SPTLC3: variants seen among roughly 807,000 people sequenced by gnomAD.
SPTLC3 encodes the protein serine palmitoyltransferase long chain base subunit 3.
A neutral mutation model predicts 59.3 loss-of-function variants in SPTLC3; 36 were observed. The ratio of observed to expected loss-of-function variants is 0.61; its 90% confidence interval spans 0.47 to 0.80. The LOEUF is 0.80. Among genes scored for constraint, SPTLC3 ranks in the 30% least tolerant of loss-of-function variants. The pLI is 0.00. For synonymous variants in SPTLC3, 257 were observed against 240.8 expected (o/e 1.07, Z -0.62); for missense variants, 625 against 685.1 (o/e 0.91, Z 0.98).
At chr20:13,120,492 G>GA (rs1335435548) in intron 8 of SPTLC3, among the ~76,000 whole-genome samples, 1 of 152,008 alleles carries the variant, frequency 6.6e-6, no homozygotes, top group African/African-American at 2.4e-5. Context: ...CAAAAATCTA[G>GA]AAAAAAGAGA....
intron 2 of SPTLC3, among the ~76,000 whole-genome samples, chr20:13,061,918 T>A (rs1040265803): frequency 1.3e-5 from 2 of 152,010 alleles, no homozygotes; most frequent in Admixed American, 6.6e-5. Context: ...CATCTTCCCA[T>A]CTCCTTCCAA....
At chr20:13,109,624 TA>T (rs546844344) in intron 6 of SPTLC3, among the ~76,000 whole-genome samples, 64 of 152,336 alleles carry the variant, frequency 4.2e-4, no homozygotes, top group Non-Finnish European at 7.5e-4. Flanking sequence ...CCCACTGCTT[TA>T]AAGTTTTGAA....
intron 6 of SPTLC3, among the ~76,000 whole-genome samples, chr20:13,108,241 T>A (rs1990016622): frequency 6.6e-6 from 1 of 152,210 alleles, no homozygotes; most frequent in African/African-American, 2.4e-5. Context: ...TTTGCTTAAA[T>A]GTACTTGATA....
At position 13,117,710 on chromosome 20, in the gene SPTLC3, C is replaced by T. The variant is rs751678222; in HGVS notation, c.1137C>T (p.Tyr379=). Residue 379 remains tyrosine (Y), a synonymous_variant, in exon 8 of 12, where the codon TAC becomes TAT. Coordinates refer to ENST00000399002, the MANE Select transcript of SPTLC3 (RefSeq NM_018327.4). The part of the protein sequence containing the change: ...FTKSFGASGG[Y]IAGRKDLVDY... ...AAAGTTTTGGAGCTTCAGGAGGTTA[C>T]ATAGCTGGAAGGAAGGTAAGAGAGG... 1 of 1,611,354 alleles carries T rather than the reference C, an allele frequency of 6.2e-7. No homozygotes were observed. Among genetic ancestry groups the T allele is most frequent in the Admixed American group, 1.7e-5 (1 of 59,652 alleles).
At chr20:13,160,308 C>G (rs1054142878) in intron 11 of SPTLC3, among the ~76,000 whole-genome samples, 176 bp downstream of exon 11, 1 of 152,190 alleles carries the variant, frequency 6.6e-6, no homozygotes, top group Non-Finnish European at 1.5e-5. Flanking sequence ...AACACTGTGA[C>G]CACTCAGTAG....
intron 3 of SPTLC3, chr20:13,074,011 G>C: frequency 6.4e-6 from 4 of 625,710 alleles, no homozygotes; most frequent in South Asian, 5.6e-5. Context: ...AGATAGTCCT[G>C]TCTCCATCCA....
chr20:13,083,834 C>T (rs1254140909), intron 4 of SPTLC3, among the ~76,000 whole-genome samples: 1 of 152,148 alleles, frequency 6.6e-6, no homozygotes, highest in African/African-American at 2.4e-5. Flanking sequence ...GGTCCTTGGT[C>T]CCACAACCAC....
intron 8 of SPTLC3, among the ~76,000 whole-genome samples, chr20:13,124,117 C>A (rs1156265529): frequency 6.6e-6 from 1 of 152,148 alleles, no homozygotes. Context: ...TGGGGAAAAC[C>A]CACCCAGCTT....
At chr20:13,039,701 G>C (rs1986889415) in intron 1 of SPTLC3, among the ~76,000 whole-genome samples, 1 of 151,750 alleles carries the variant, frequency 6.6e-6, no homozygotes, top group Non-Finnish European at 1.5e-5. Flanking sequence ...TCCTAGTTTA[G>C]TGCTTTATTC....
chr20:13,073,483 A>AT lies in SPTLC3; in HGVS notation c.459-853dup, dbSNP rs57545320. Reference sequence around the variant, plus strand: ...CTAAGGCCCCTCCAGCACTAGGATAATTTTTTTTTTTTTACATTTGGGAAA... The same window carrying AT: ...CTAAGGCCCCTCCAGCACTAGGATAATTTTTTTTTTTTTTACATTTGGGAAA... On this transcript the variant is annotated intron_variant, in intron 3 of 11. Transcript: ENST00000399002. 7.7e-4 allele frequency among the ~76,000 whole-genome samples: 113 copies of AT among 146,500 alleles called. 1 individual carries two copies. Among genetic ancestry groups the AT allele is most frequent in the East Asian group, 3.8e-3 (19 of 5,058 alleles).
chr20:13,119,323 T>C (rs977009440), intron 8 of SPTLC3, among the ~76,000 whole-genome samples: 4 of 152,170 alleles, frequency 2.6e-5, no homozygotes, highest in African/African-American at 9.7e-5. Context: ...TAGAGTAGCT[T>C]CATTTGATAC....
Position 13,110,209 on chromosome 20 carries a change from T to C in SPTLC3, c.924T>C (p.Gly308=). 1 of 1,613,114 alleles carries C rather than the reference T, an allele frequency of 6.2e-7. No individual in the cohort carries two copies. Among genetic ancestry groups the C allele is most frequent in the Non-Finnish European group, 8.5e-7 (1 of 1,179,602 alleles). ...AWKKILILVE[G]VYSMEGSIVH... ...AAAAGATTCTCATCCTGGTGGAGGG[T>C]GTCTACAGGTATGTAAATAACAGGA... Residue 308 remains glycine, a synonymous_variant, in exon 7 of 12, where the codon GGT becomes GGC. Transcript: ENST00000399002.
chr20:13,046,534 C>A (rs569712403), intron 1 of SPTLC3, among the ~76,000 whole-genome samples: 1 of 152,282 alleles, frequency 6.6e-6, no homozygotes, highest in South Asian at 2.1e-4. Context: ...TTGCTAGAGT[C>A]TGGACAAATC....
At chr20:13,053,422 AT>A (rs1987582407) in intron 2 of SPTLC3, among the ~76,000 whole-genome samples, 1 of 152,136 alleles carries the variant, frequency 6.6e-6, no homozygotes, top group Non-Finnish European at 1.5e-5. Flanking sequence ...AGGTCGATAA[AT>A]CCATGAGGAT....
At chr20:13,094,474 C>G (rs1057135890) in intron 6 of SPTLC3, among the ~76,000 whole-genome samples, 12 of 152,260 alleles carry the variant, frequency 7.9e-5, no homozygotes, top group African/African-American at 2.9e-4. Flanking sequence ...ACCTTTCTCT[C>G]CTGCCTTCCC....
At chr20:13,025,839 T>C in intron 1 of SPTLC3, among the ~76,000 whole-genome samples, 1 of 152,112 alleles carries the variant, frequency 6.6e-6, no homozygotes, top group East Asian at 1.9e-4. Context: ...AGGTACTAAG[T>C]CAAGCACCCA....
At chr20:13,037,958 C>G (rs1986807697) in intron 1 of SPTLC3, among the ~76,000 whole-genome samples, 1 of 151,652 alleles carries the variant, frequency 6.6e-6, no homozygotes, top group Non-Finnish European at 1.5e-5. Context: ...TGACACATGA[C>G]ATTTCCACTC....
intron 1 of SPTLC3, among the ~76,000 whole-genome samples, chr20:13,014,394 C>CAGTT (rs1362775049): frequency 6.6e-6 from 1 of 152,100 alleles, no homozygotes; most frequent in Non-Finnish European, 1.5e-5. Flanking sequence ...GCAGAGTAGC[C>CAGTT]AGTTGTACAG....
intron 7 of SPTLC3, among the ~76,000 whole-genome samples, chr20:13,112,541 A>C (rs1990293374): frequency 6.6e-6 from 1 of 152,176 alleles, no homozygotes; most frequent in Non-Finnish European, 1.5e-5. Context: ...TGTATGTATA[A>C]GGATGGGAAG....
Sources: allele counts gnomAD v4.1 joint callset (sites outside exome capture counted in the v4.1 genomes callset), GRCh38; gene constraint gnomAD v4.1.1; transcripts MANE v1.5; gene names NCBI Gene and HGNC (gene_info 2026-07-23, HGNC 2026-07-21).